IFT122: variants seen among roughly 807,000 people sequenced by gnomAD.
IFT122 encodes intraflagellar transport protein 122 homolog.
IFT122 carries 118 observed loss-of-function variants against 161.6 expected under a neutral mutation model. That is an observed-to-expected ratio of 0.73 (90% CI 0.63 to 0.85). IFT122 has a LOEUF of 0.85. IFT122 is among the 40% of genes least tolerant of loss of function. The pLI is 0.00. For missense variants in IFT122, 1,381 were observed against 1,579.6 expected, an observed-to-expected ratio of 0.87 and a Z score of 2.13; for synonymous variants, 550 against 602.4, an observed-to-expected ratio of 0.91 and a Z score of 1.27.
At chr3:129,446,069 A>G (rs1372104112) in intron 1 of IFT122, among the ~76,000 whole-genome samples, 1 of 151,956 alleles carries the variant, frequency 6.6e-6, no homozygotes, top group African/African-American at 2.4e-5. Flanking sequence ...CCTCTCTGGC[A>G]TTAACATCAA....
chr3:129,512,499 G>A (rs917080116), intron 24 of IFT122, 87 bp downstream of exon 24: 2 of 936,962 alleles, frequency 2.1e-6, no homozygotes, highest in Non-Finnish European at 1.8e-6. Context: ...TTTCCTGGCA[G>A]AACCTTCCTC....
At chr3:129,488,236 T>TC (rs1448795245) in intron 15 of IFT122, 21 bp from the exon 16 acceptor site, 2 of 1,613,932 alleles carry the variant, frequency 1.2e-6, no homozygotes, top group African/African-American at 2.7e-5. Flanking sequence ...CTTCTTTTTT[T>TC]CCCTTGATGA....
intron 17 of IFT122, among the ~76,000 whole-genome samples, chr3:129,492,779 A>G (rs1440661706): frequency 1.4e-5 from 2 of 143,924 alleles, no homozygotes; most frequent in African/African-American, 2.6e-5. Context: ...TAGGTATGCC[A>G]TTTGCTGGGT....
chr3:129,516,701 C>T (rs1349212852), intron 26 of IFT122, among the ~76,000 whole-genome samples: 1 of 95,522 alleles, frequency 1.0e-5, no homozygotes, highest in East Asian at 4.8e-4. Context: ...CCTGCACACA[C>T]ACACACACAC....
chr3:129,515,815 C>T (rs1383874714), intron 26 of IFT122, among the ~76,000 whole-genome samples: 2 of 152,274 alleles, frequency 1.3e-5, no homozygotes, highest in Non-Finnish European at 2.9e-5. Flanking sequence ...AGCTGAAGCA[C>T]CCACTCTGGG....
At position 129,507,667 on chromosome 3, in the gene IFT122, G is replaced by C; in HGVS notation, c.2792-1G>C. The stretch of plus-strand genomic sequence containing the variant: ...CCCCTCCCACCCGCTGCACACAGCA[G>C]ATCCTGCCCAGAAGGACACAATGCT... On this transcript the variant is annotated splice_acceptor_variant, in intron 22 of 29. Transcript: ENST00000348417. LOFTEE classifies it high-confidence loss of function. The C allele has an allele frequency of 6.2e-7, 1 of 1,613,888 alleles. No homozygotes were observed. The highest frequency in any genetic ancestry group is 2.2e-5 in the East Asian group (1 of 44,872).
In IFT122 at chr3:129,440,362, C is replaced by G. The variant is rs1366584844; in HGVS notation, c.32C>G (p.Ala11Gly). Residue 11 changes from alanine to glycine, a missense_variant, in exon 1 of 30, where the codon GCC (alanine) becomes GGC (glycine). Ala to Gly is a moderately conservative substitution (Grantham distance 60). Transcript: ENST00000348417. ...GCCGTGTTGACGTGGAGAGATAAAG[C>G]CGAGCACTGGTGAGGAGCGGGGCGG... Reference protein sequence around the residue: MRAVLTWRDKAEHCINDIAFK... With the variant: MRAVLTWRDKGEHCINDIAFK... 6.4e-7 allele frequency: 1 copy of G among 1,550,654 alleles called. No individual in the cohort carries two copies.
chr3:129,493,859 A>G (rs1167134079), intron 17 of IFT122, among the ~76,000 whole-genome samples: 2 of 152,214 alleles, frequency 1.3e-5, no homozygotes, highest in Non-Finnish European at 1.5e-5. Flanking sequence ...TGGGGTCAAA[A>G]TGTAGTCCTC....
chr3:129,447,658 G>T (rs1451205565), intron 1 of IFT122, among the ~76,000 whole-genome samples: 3 of 151,952 alleles, frequency 2.0e-5, no homozygotes, highest in African/African-American at 7.3e-5. Flanking sequence ...GATTACAGGC[G>T]CCCGCCACCA....
At chr3:129,471,632 T>G (rs2077381390) in intron 9 of IFT122, among the ~76,000 whole-genome samples, 1 of 152,218 alleles carries the variant, frequency 6.6e-6, no homozygotes, top group Admixed American at 6.5e-5. Flanking sequence ...GCCCAAAGTT[T>G]CTGCACGATG....
At chr3:129,481,371 C>A in intron 13 of IFT122, 159 bp from the exon 14 acceptor site, 1 of 713,108 alleles carries the variant, frequency 1.4e-6, no homozygotes, top group Non-Finnish European at 2.5e-6. Context: ...TGCCCCCCAC[C>A]CCCCTCTTTC....
intron 26 of IFT122, among the ~76,000 whole-genome samples, chr3:129,516,552 AGATTGCTCCTG>A (rs1560023038): frequency 0.043 from 5,597 of 130,402 alleles, 345 homozygotes; most frequent in Non-Finnish European, 0.053. Context: ...GCACACACAC[AGATTGCTCCTG>A]CACACACACA....
intron 24 of IFT122, chr3:129,512,665 G>A: frequency 1.8e-6 from 1 of 553,630 alleles, no homozygotes; most frequent in Non-Finnish European, 3.2e-6. Flanking sequence ...CCAACACACT[G>A]TCCCAATCCC....
chr3:129,444,012 C>A (rs1351635639), intron 1 of IFT122, among the ~76,000 whole-genome samples: 1 of 152,194 alleles, frequency 6.6e-6, no homozygotes, highest in Non-Finnish European at 1.5e-5. Flanking sequence ...CCAAGGATGA[C>A]TTTAGATGAG....
At chr3:129,514,684 T>C in intron 25 of IFT122, 130 bp downstream of exon 25, 1 of 1,084,356 alleles carries the variant, frequency 9.2e-7, no homozygotes, top group Non-Finnish European at 1.4e-6. Flanking sequence ...TGCCCCCTGC[T>C]CAAGCCTGGC....
chr3:129,473,994 T>C (rs7622607), intron 9 of IFT122, among the ~76,000 whole-genome samples: 1,615 of 152,306 alleles, frequency 0.011, 32 homozygotes, highest in African/African-American at 0.036. Context: ...TAGCCTTCCA[T>C]GTCGTGATTC....
chr3:129,519,617 G>T lies in IFT122; in HGVS notation c.3521G>T (p.Arg1174Leu). 6.2e-7 allele frequency: 1 copy of T among 1,613,508 alleles called. No individual in the cohort carries two copies. The highest frequency in any genetic ancestry group is 8.5e-7 in the Non-Finnish European group (1 of 1,180,004). Reference protein sequence around the residue: ...VPVVVSRLVLRSMSRRDVLIK... With the variant: ...VPVVVSRLVLLSMSRRDVLIK... ...GTGGTGGTGAGCCGGCTGGTGCTGC[G>T]CTCCATGAGCCGCCGGGATGTCCTC... Residue 1174 changes from arginine (R) to leucine (L), a missense_variant, in exon 29 of 30, where the codon CGC becomes CTC. By Grantham distance (102) the Arg-to-Leu change is moderately radical. Around this residue, in one of 7 missense-constraint regions of IFT122, gnomAD observed 177 missense variants for 199.2 expected, o/e 0.89. Coordinates refer to ENST00000348417, the MANE Select transcript of IFT122 (RefSeq NM_052989.3).
chr3:129,492,293 A>G, intron 17 of IFT122, 99 bp downstream of exon 17: 1 of 964,716 alleles, frequency 1.0e-6, no homozygotes. Flanking sequence ...GGACATGGGA[A>G]CAGAGCTCAC....
chr3:129,512,181 T>C (rs377158883), intron 23 of IFT122, 131 bp from the exon 24 acceptor site: 72 of 767,200 alleles, frequency 9.4e-5, no homozygotes, highest in East Asian at 8.3e-4. Context: ...CAGCACACAG[T>C]AGGAGTAGGT....
Sources: allele counts gnomAD v4.1 joint callset (sites outside exome capture counted in the v4.1 genomes callset), GRCh38; gene constraint gnomAD v4.1.1; regional missense constraint gnomAD v4.1.1; transcripts MANE v1.5; gene names NCBI Gene and HGNC (gene_info 2026-07-23, HGNC 2026-07-21).